The following SCFD2 variants were observed in gnomAD, a reference collection of about 807,000 sequenced individuals.
SCFD2 encodes the protein sec1 family domain-containing protein 2.
A neutral mutation model predicts 58.9 loss-of-function variants in SCFD2; 54 were observed. That is an observed-to-expected ratio of 0.92 (90% CI 0.74 to 1.15). The LOEUF is 1.15. SCFD2 is among the 50% of genes most tolerant of loss of function. The pLI is 0.00. For synonymous variants in SCFD2, 321 were observed against 335.9 expected (o/e 0.96, Z 0.49); for missense variants, 805 against 836.6 (o/e 0.96, Z 0.47).
At chr4:53,306,542 T>C (rs1173529805) in intron 3 of SCFD2, among the ~76,000 whole-genome samples, 3 of 152,178 alleles carry the variant, frequency 2.0e-5, no homozygotes, top group Non-Finnish European at 4.4e-5. Flanking sequence ...CTATTGAAAA[T>C]AGAAATACTC....
At chr4:53,216,254 C>A (rs1261346054) in intron 4 of SCFD2, among the ~76,000 whole-genome samples, 1 of 152,102 alleles carries the variant, frequency 6.6e-6, no homozygotes, top group African/African-American at 2.4e-5. Context: ...TGGTAGAATT[C>A]GGCTGTGAAT....
At chr4:52,874,137 G>C in intron 8 of SCFD2, 76 bp from the exon 9 acceptor site, 1 of 991,506 alleles carries the variant, frequency 1.0e-6, no homozygotes, top group South Asian at 1.3e-5. Flanking sequence ...ATGAGAAATA[G>C]AATGCAACAA....
At chr4:53,205,040 G>A (rs1380100770) in intron 4 of SCFD2, among the ~76,000 whole-genome samples, 1 of 151,814 alleles carries the variant, frequency 6.6e-6, no homozygotes, top group South Asian at 2.1e-4. Context: ...TTTTTGTCTG[G>A]AAATTACTAG....
chr4:53,213,059 T>C (rs1728674269), intron 4 of SCFD2, among the ~76,000 whole-genome samples: 2 of 152,102 alleles, frequency 1.3e-5, no homozygotes, highest in African/African-American at 4.8e-5. Flanking sequence ...ATAAATGAAG[T>C]GTGTGTAAAC....
chr4:53,235,511 A>G (rs1239758708), intron 4 of SCFD2, among the ~76,000 whole-genome samples: 4 of 152,344 alleles, frequency 2.6e-5, no homozygotes, highest in African/African-American at 9.6e-5. Flanking sequence ...GCTCTCACTT[A>G]TCTTATATTC....
chr4:52,936,196 G>A (rs1720134446), intron 5 of SCFD2, among the ~76,000 whole-genome samples: 1 of 152,074 alleles, frequency 6.6e-6, no homozygotes, highest in Non-Finnish European at 1.5e-5. Flanking sequence ...GGGGAGGAAG[G>A]CCGACTCCTG....
chr4:52,938,579 CA>C (rs1412081453), intron 5 of SCFD2, among the ~76,000 whole-genome samples: 3 of 152,126 alleles, frequency 2.0e-5, no homozygotes, highest in Admixed American at 2.0e-4. Context: ...TACTAACAAG[CA>C]GAGGTCTGTA....
At chr4:53,317,846 A>G (rs1732912068) in intron 2 of SCFD2, among the ~76,000 whole-genome samples, 3 of 152,230 alleles carry the variant, frequency 2.0e-5, no homozygotes. Flanking sequence ...GTAAGCTGTT[A>G]TAAGAATCAA....
chr4:53,206,807 T>A (rs1728419899), intron 4 of SCFD2, among the ~76,000 whole-genome samples: 2 of 152,124 alleles, frequency 1.3e-5, no homozygotes, highest in African/African-American at 2.4e-5. Context: ...AAAGTGAGGA[T>A]CATATTTGAT....
chr4:52,922,386 C>T (rs1228207605), intron 5 of SCFD2, among the ~76,000 whole-genome samples: 1 of 151,900 alleles, frequency 6.6e-6, no homozygotes, highest in Non-Finnish European at 1.5e-5. Flanking sequence ...CCCTAATGTG[C>T]TTTGTCTCTG....
chr4:53,145,354 G>A lies in SCFD2; in HGVS notation c.1540C>T (p.Pro514Ser). ...TCACCCGTAATTTTTTGCAGCAAAG[G>A]TGACAATCCAGATTCCTCACAGAAG... ...QVFCEESGLS[P>S]LLQKITDWDS... Residue 514 changes from proline (P) to serine (S), a missense_variant, in exon 5 of 9, where the codon CCT (proline) becomes TCT (serine). By Grantham distance (74) the Pro-to-Ser change is moderately conservative (BLOSUM62 -1). Coordinates refer to ENST00000401642, the MANE Select transcript of SCFD2 (RefSeq NM_152540.4). The A allele has an allele frequency of 6.2e-7, 1 of 1,613,696 alleles. No individual in the cohort carries two copies. Among genetic ancestry groups the A allele is most frequent in the Non-Finnish European group, 8.5e-7 (1 of 1,179,870 alleles).
At chr4:53,352,787 A>C (rs559126264) in intron 1 of SCFD2, 21 bp from the exon 2 acceptor site, 30 of 1,591,632 alleles carry the variant, frequency 1.9e-5, no homozygotes, top group East Asian at 1.1e-4. Flanking sequence ...AGACAAGATG[A>C]TGTAAATTCA....
At chr4:53,092,974 C>T (rs13141532) in intron 5 of SCFD2, among the ~76,000 whole-genome samples, 31,337 of 151,954 alleles carry the variant, frequency 0.21, 3,584 homozygotes, top group Non-Finnish European at 0.26. Flanking sequence ...GAGTGAGTCA[C>T]GTGGATATTC....
intron 4 of SCFD2, among the ~76,000 whole-genome samples, chr4:53,163,339 TC>T (rs1726910819): frequency 6.6e-6 from 1 of 152,084 alleles, no homozygotes; most frequent in Admixed American, 6.6e-5. Flanking sequence ...TCCTCCCACA[TC>T]CCCACCCAGA....
At chr4:53,301,628 G>T (rs1200484169) in intron 3 of SCFD2, among the ~76,000 whole-genome samples, 2 of 152,072 alleles carry the variant, frequency 1.3e-5, no homozygotes, top group African/African-American at 2.4e-5. Context: ...TAATACCAAA[G>T]CCTGGCAGAG....
At chr4:53,262,536 C>A (rs1312111821) in intron 4 of SCFD2, among the ~76,000 whole-genome samples, 2 of 152,126 alleles carry the variant, frequency 1.3e-5, no homozygotes, top group African/African-American at 4.8e-5. Flanking sequence ...ATACAAAATT[C>A]TTGGCTGATA....
At chr4:53,268,092 G>T (rs1319379070) in intron 4 of SCFD2, among the ~76,000 whole-genome samples, 1 of 152,110 alleles carries the variant, frequency 6.6e-6, no homozygotes, top group African/African-American at 2.4e-5. Flanking sequence ...GCACAATAGT[G>T]GCTTAGGGCA....
chr4:53,319,203 A>G (rs1732952160), intron 2 of SCFD2, among the ~76,000 whole-genome samples: 1 of 152,224 alleles, frequency 6.6e-6, no homozygotes, highest in African/African-American at 2.4e-5. Flanking sequence ...GTAGATCCAC[A>G]TTAATTCCGG....
chr4:53,323,695 T>C (rs778881621), intron 2 of SCFD2, among the ~76,000 whole-genome samples: 2 of 152,012 alleles, frequency 1.3e-5, no homozygotes, highest in East Asian at 1.9e-4. Context: ...TTTTTCATTA[T>C]AGTCAACCTG....
Sources: gnomAD v4.1 joint callset for allele counts (sites outside exome capture counted in the v4.1 genomes callset) on GRCh38, gnomAD v4.1.1 for gene constraint, MANE v1.5 for transcripts, NCBI Gene and HGNC (gene_info 2026-07-23, HGNC 2026-07-21) for gene names.